Variants in BCL11B observed in about 807,000 individuals in gnomAD.
BCL11B encodes BCL11 transcription factor B, also known as B-cell lymphoma/leukemia 11B.
In BCL11B, 8 loss-of-function variants were observed where a neutral mutation model predicts 49.9. The observed-to-expected ratio is 0.16, with a 90% CI of 0.09 to 0.29. The LOEUF (loss-of-function observed/expected upper bound fraction) is 0.29. Among genes scored for constraint, BCL11B ranks in the 10% least tolerant of loss-of-function variants. The pLI is 1.00. For synonymous variants in BCL11B, 739 were observed against 637.4 expected (o/e 1.16, Z -2.40); for missense variants, 1,006 against 1,351.0 (o/e 0.74, Z 4.00).
intron 2 of BCL11B, among the ~76,000 whole-genome samples, chr14:99,245,203 CA>C (rs1454806084): frequency 6.6e-6 from 1 of 152,152 alleles, no homozygotes; most frequent in African/African-American, 2.4e-5. Context: ...TTTTAACACA[CA>C]AAACTAGAGA....
In BCL11B at chr14:99,185,564, G is replaced by C. The variant is rs147689762; in HGVS notation, c.641-9369C>G. 7.4e-3 allele frequency among the ~76,000 whole-genome samples: 1,131 copies of C among 152,050 alleles called. 16 individuals are homozygous for C. Among genetic ancestry groups the C allele is most frequent in the Middle Eastern group, 0.017 (5 of 294 alleles). On this transcript the variant is annotated intron_variant, in intron 3 of 3. Transcript: ENST00000357195. ...TAGGGAGCTGTGTGAGCACACTCAA[G>C]GTGCAGGGCGCTGGGCCACGCGACG...
At chr14:99,246,704 C>T (rs1393474578) in intron 2 of BCL11B, among the ~76,000 whole-genome samples, 1 of 123,840 alleles carries the variant, frequency 8.1e-6, no homozygotes, top group Non-Finnish European at 1.7e-5. Flanking sequence ...AACCATTGAG[C>T]CCTTGGAGGG....
intron 1 of BCL11B, chr14:99,264,836 A>G (rs1889435758): frequency 6.6e-6 from 1 of 152,164 alleles, no homozygotes; most frequent in Non-Finnish European, 1.5e-5. Flanking sequence ...GCGTCTCCAA[A>G]TAGCCTGCTC....
Position 99,213,597 on chromosome 14 carries a change from C to T in BCL11B, c.640+17748G>A, listed in dbSNP as rs541952941. On this transcript the variant is annotated intron_variant, in intron 3 of 3. Coordinates refer to ENST00000357195, the MANE Select transcript of BCL11B (RefSeq NM_138576.4). The surrounding 1 kb of genome is among the most constrained non-coding windows in gnomAD (Gnocchi z 5.1). Reference sequence around the variant, plus strand: ...TCCTACTACCCCAAAAGTACAAATGCAGAACCCCAGCCGGTGCCTGTCTCC... The same window carrying T: ...TCCTACTACCCCAAAAGTACAAATGTAGAACCCCAGCCGGTGCCTGTCTCC... Among the ~76,000 whole-genome samples the T allele has an allele frequency of 3.3e-5, 5 of 152,324 alleles. No individual in the cohort carries two copies. The highest frequency in any genetic ancestry group is 5.9e-5 in the Non-Finnish European group (4 of 68,028).
chr14:99,269,594 C>T (rs1219062461), intron 1 of BCL11B, among the ~76,000 whole-genome samples: 1 of 151,420 alleles, frequency 6.6e-6, no homozygotes, highest in Non-Finnish European at 1.5e-5. Flanking sequence ...GAGATGGCAA[C>T]AGCAATTGCT....
At chr14:99,225,591 A>T (rs1888136742) in intron 3 of BCL11B, among the ~76,000 whole-genome samples, 1 of 152,170 alleles carries the variant, frequency 6.6e-6, no homozygotes, top group Non-Finnish European at 1.5e-5. Context: ...TGCATAATGT[A>T]ATGAGCACCA....
At position 99,257,537 on chromosome 14, in the gene BCL11B, G is replaced by GGGT. The variant is rs772008191; in HGVS notation, c.358_360dup (p.Thr120dup). 3 of 1,613,910 alleles carry GGGT rather than the reference G, an allele frequency of 1.9e-6. No individual in the cohort carries two copies. Among genetic ancestry groups the GGGT allele is most frequent in the Non-Finnish European group, 2.5e-6 (3 of 1,179,902 alleles). On this transcript the variant is annotated inframe_insertion, in exon 2 of 4. Coordinates refer to ENST00000357195, the MANE Select transcript of BCL11B (RefSeq NM_138576.4). This position sits in a 1 kb window ranked among gnomAD's most constrained non-coding sequence, Gnocchi z 6.2. ...GAGAGCAGGTGGTCATCTTCGTCGG[G>GGGT]GGTGACTTGGATCCCGATCTCCACC...
In BCL11B at chr14:99,260,577, G is replaced by A. The variant is rs558316163; in HGVS notation, c.59-2738C>T. ...TAGCAGAGGTCACACGTGCCTGTTC[G>A]CAAGCACCCCTCCTCCTCAGCTTCG... On this transcript the variant is annotated intron_variant, in intron 1 of 3. Coordinates refer to ENST00000357195, the MANE Select transcript of BCL11B (RefSeq NM_138576.4). Among the ~76,000 whole-genome samples the A allele has an allele frequency of 3.9e-5, 6 of 152,226 alleles. No individual in the cohort carries two copies. In the East Asian group the frequency reaches 7.7e-4, roughly 20 times the overall value.
rs564784631 is a variant in BCL11B at position 99,174,601 on chromosome 14, G to A, written c.2235C>T (p.Ser745=). ...SPFATSSEHS[S]ENGSLRFSTP... is the part of the protein sequence containing the mutation. The stretch of plus-strand genomic sequence containing the variant: ...TGGAGAAGCGCAGGCTGCCGTTCTC[G>A]GACGAGTGCTCGGACGACGTGGCGA... Residue 745 remains serine, a synonymous_variant, in exon 4 of 4, where the codon TCC becomes TCT. Transcript: ENST00000357195. 11 of 1,535,498 alleles carry A rather than the reference G, an allele frequency of 7.2e-6. No homozygotes were observed. The African/African-American group carries it at 1.1e-4, about 16-fold the overall frequency.
intron 3 of BCL11B, among the ~76,000 whole-genome samples, chr14:99,224,274 C>T (rs1392365867): frequency 1.3e-5 from 2 of 152,174 alleles, no homozygotes; most frequent in African/African-American, 2.4e-5. Flanking sequence ...GACTCTCTGT[C>T]CAAGTTCTGC....
intron 3 of BCL11B, among the ~76,000 whole-genome samples, chr14:99,220,323 C>A (rs552170405): frequency 1.3e-5 from 2 of 152,268 alleles, no homozygotes; most frequent in East Asian, 3.9e-4. Flanking sequence ...TTCACAATAG[C>A]CAAAAGCAGC....
At chr14:99,259,569 C>T (rs1889278688) in intron 1 of BCL11B, among the ~76,000 whole-genome samples, 1 of 152,100 alleles carries the variant, frequency 6.6e-6, no homozygotes, top group Non-Finnish European at 1.5e-5. Context: ...ACAGAGCCCT[C>T]GATGAATTAA....
At chr14:99,261,568 T>C (rs1235379885) in intron 1 of BCL11B, among the ~76,000 whole-genome samples, 1 of 152,026 alleles carries the variant, frequency 6.6e-6, no homozygotes, top group Non-Finnish European at 1.5e-5. Flanking sequence ...TCCCAGACCC[T>C]ACAGGCCAGC....
At chr14:99,246,743 G>A (rs758765882) in intron 2 of BCL11B, among the ~76,000 whole-genome samples, 1 of 152,066 alleles carries the variant, frequency 6.6e-6, no homozygotes. Context: ...CGGGCAGGGC[G>A]GGGGAGGCTG....
chr14:99,182,945 G>C (rs1886750348), intron 3 of BCL11B, among the ~76,000 whole-genome samples: 1 of 152,194 alleles, frequency 6.6e-6, no homozygotes, highest in African/African-American at 2.4e-5. Flanking sequence ...TGTGTGTTCT[G>C]CTGAGAACTT....
intron 3 of BCL11B, among the ~76,000 whole-genome samples, chr14:99,225,403 G>C (rs1189193599): frequency 1.3e-5 from 2 of 152,162 alleles, no homozygotes; most frequent in African/African-American, 2.4e-5. Context: ...TCCACACAGA[G>C]GGCAATGCAA....
At chr14:99,268,778 G>T (rs928693428) in intron 1 of BCL11B, among the ~76,000 whole-genome samples, 3 of 152,174 alleles carry the variant, frequency 2.0e-5, no homozygotes, top group Admixed American at 6.5e-5. Context: ...TCAAAGGCAG[G>T]CCGGCTTTCC....
chr14:99,235,811 A>T (rs2139902153), intron 2 of BCL11B, among the ~76,000 whole-genome samples: 1 of 152,124 alleles, frequency 6.6e-6, no homozygotes, highest in Middle Eastern at 3.4e-3. Flanking sequence ...CAACCAGAGA[A>T]ATTTATTCTT....
In BCL11B at chr14:99,180,678, A is replaced by G. The variant is rs1309503429; in HGVS notation, c.641-4483T>C. 6.6e-5 allele frequency among the ~76,000 whole-genome samples: 10 copies of G among 152,216 alleles called. No individual in the cohort carries two copies. The East Asian group carries it at 1.9e-3, about 29-fold the overall frequency. The stretch of plus-strand genomic sequence containing the variant: ...TGTGGGCACAGCCTATAAATCGCAC[A>G]TGGCTATGCAGGCGTTACGATGGGG... On this transcript the variant is annotated intron_variant, in intron 3 of 3. Transcript: ENST00000357195.
Sources: gnomAD v4.1 joint callset for allele counts (sites outside exome capture counted in the v4.1 genomes callset) on GRCh38, gnomAD v4.1.1 for gene constraint, Gnocchi (gnomAD v3.1) non-coding constraint, MANE v1.5 for transcripts, NCBI Gene and HGNC (gene_info 2026-07-23, HGNC 2026-07-21) for gene names.